BCCIP: variants seen among roughly 807,000 people sequenced by gnomAD.
BCCIP encodes BRCA2 and CDKN1A interacting protein, also known as BRCA2 and CDKN1A-interacting protein.
Under a neutral mutation model 32.8 loss-of-function variants are expected in BCCIP, and 23 were observed. That is an observed-to-expected ratio of 0.70 (90% CI 0.51 to 0.99). BCCIP has a LOEUF of 0.99. Among genes scored for constraint, BCCIP ranks in the 50% least tolerant of loss-of-function variants. BCCIP has a pLI of 0.00. For missense variants in BCCIP, 378 were observed against 379.8 expected, an observed-to-expected ratio of 1.00 and a Z score of 0.04; for synonymous variants, 144 against 137.6, an observed-to-expected ratio of 1.05 and a Z score of -0.33.
At chr10:125,825,698 G>A (rs1221488836) in intron 1 of BCCIP, 3 of 152,186 alleles carry the variant, frequency 2.0e-5, no homozygotes, top group Non-Finnish European at 1.5e-5. Flanking sequence ...TTCTGAAACC[G>A]TTAAAACCTG....
chr10:125,837,178 TA>T (rs1309370698), downstream of BCCIP, among the ~76,000 whole-genome samples: 1 of 152,224 alleles, frequency 6.6e-6, no homozygotes, highest in Non-Finnish European at 1.5e-5. Context: ...ATCGTATGCT[TA>T]AGAGAGCTTT....
intron 6 of BCCIP, 137 bp downstream of exon 6, chr10:125,834,083 C>T: frequency 1.1e-6 from 1 of 932,816 alleles, no homozygotes; most frequent in South Asian, 1.6e-5. Flanking sequence ...CCCCACAGGA[C>T]CTAGCAGCTA....
intron 7 of BCCIP, among the ~76,000 whole-genome samples, chr10:125,852,012 C>G (rs1033344990): frequency 6.6e-6 from 1 of 151,862 alleles, no homozygotes; most frequent in African/African-American, 2.4e-5. Context: ...CGCTTCCATA[C>G]TCCACATTAC....
exon 7 of BCCIP, chr10:125,841,686 A>G: frequency 1.3e-6 from 2 of 1,577,028 alleles, no homozygotes; most frequent in Non-Finnish European, 1.7e-6. Flanking sequence ...GATCCGATCT[A>G]AATCTATACC....
At chr10:125,841,806 T>C (rs773275564) in exon 7 of BCCIP, 3 of 1,613,496 alleles carry the variant, frequency 1.9e-6, no homozygotes, top group Non-Finnish European at 2.5e-6. Context: ...GACGCTAAGA[T>C]AGACTTCGAG....
chr10:125,833,561 TATATC>T lies in BCCIP; in HGVS notation c.600-207_600-203del, dbSNP rs200015325. ...CCACAAATCAGCATAATCTGAGAGA[TATATC>T]ATAGTATTATAAAAAGTAATACATA... On this transcript the variant is annotated intron_variant, in intron 5 of 6. Transcript: ENST00000278100. 8.3e-4 allele frequency among the ~76,000 whole-genome samples: 126 copies of T among 152,340 alleles called. No homozygotes were observed. The South Asian group carries it at 9.9e-3, about 12-fold the overall frequency.
intron 7 of BCCIP, among the ~76,000 whole-genome samples, chr10:125,851,920 CAAAAAAAAAAAAA>C (rs56380138): frequency 1.2e-5 from 1 of 86,788 alleles, no homozygotes. Context: ...GACCCTGTCT[CAAAAAAAAAAAAA>C]AAAAAAAAGA....
intron 2 of BCCIP, 91 bp from the exon 3 acceptor site, chr10:125,827,467 A>G: frequency 1.1e-6 from 1 of 887,760 alleles, no homozygotes; most frequent in East Asian, 2.7e-5. Context: ...TAAGTCACAG[A>G]AATTTCATTG....
chr10:125,841,815 A>T (rs1401634850), exon 7 of BCCIP: 14 of 1,613,674 alleles, frequency 8.7e-6, no homozygotes, highest in Non-Finnish European at 1.2e-5. Flanking sequence ...ATAGACTTCG[A>T]GAGTTGTGGA....
At chr10:125,843,919 C>T (rs531695242), downstream of BCCIP, among the ~76,000 whole-genome samples, 1 of 152,314 alleles carries the variant, frequency 6.6e-6, no homozygotes, top group South Asian at 2.1e-4. Context: ...AGGCTTTCAT[C>T]CTTACCTTGG....
chr10:125,848,759 A>T (rs944572758), intron 7 of BCCIP, among the ~76,000 whole-genome samples: 2 of 152,184 alleles, frequency 1.3e-5, no homozygotes, highest in African/African-American at 4.8e-5. Flanking sequence ...GAGCTCAGGT[A>T]GGAGTCACTC....
At chr10:125,847,928 G>C (rs922531870) in intron 7 of BCCIP, among the ~76,000 whole-genome samples, 1 of 152,272 alleles carries the variant, frequency 6.6e-6, no homozygotes, top group South Asian at 2.1e-4. Context: ...AGTAATGCTC[G>C]CTTGCCCCCC....
chr10:125,847,463 C>T (rs1012834260), downstream of BCCIP, among the ~76,000 whole-genome samples: 2 of 152,088 alleles, frequency 1.3e-5, no homozygotes, highest in African/African-American at 4.8e-5. Flanking sequence ...ATGGTAGGGA[C>T]GTAGCATAGG....
At chr10:125,850,276 C>G (rs1944073303) in intron 7 of BCCIP, among the ~76,000 whole-genome samples, 1 of 151,088 alleles carries the variant, frequency 6.6e-6, no homozygotes, top group Non-Finnish European at 1.5e-5. Flanking sequence ...CCATGCCCAG[C>G]CCTGCAGAAT....
chr10:125,848,340 C>T (rs187341752), intron 7 of BCCIP, among the ~76,000 whole-genome samples: 3 of 152,312 alleles, frequency 2.0e-5, no homozygotes, highest in Admixed American at 1.3e-4. Flanking sequence ...TACTCCTTTA[C>T]ACTGTACATG....
chr10:125,823,548 G>A lies in BCCIP; in HGVS notation c.-10G>A, dbSNP rs200616773. ...AGGGGAAGCTGCGCAGGCGCAGTGT[G>A]AGCGGCAACATGGCGTCCAGGTCTA... On this transcript the variant is annotated 5_prime_UTR_variant, in exon 1 of 7. Transcript: ENST00000278100. 27 of 1,613,016 alleles carry A rather than the reference G, an allele frequency of 1.7e-5. No individual in the cohort carries two copies. In the South Asian group the frequency reaches 2.6e-4, roughly 16 times the overall value.
rs564392510 is a variant in BCCIP, at chr10:125,824,648, C to T, written c.165+926C>T. The stretch of plus-strand genomic sequence containing the variant: ...TAGTCCACACCTCTATCATCTCTTG[C>T]CTGGACTACTATTTAATGTAACAGC... On this transcript the variant is annotated intron_variant, in intron 1 of 6. Coordinates refer to ENST00000278100, the MANE Select transcript of BCCIP (RefSeq NM_078468.3). Among the ~76,000 whole-genome samples, 20 of 152,122 alleles carry T rather than the reference C, an allele frequency of 1.3e-4. No individual in the cohort carries two copies. In the South Asian group the frequency reaches 4.1e-3, roughly 32 times the overall value.
At position 125,833,759 on chromosome 10, in the gene BCCIP, G is replaced by T; in HGVS notation, c.600-13G>T. On this transcript the variant is annotated splice_polypyrimidine_tract_variant and intron_variant, in intron 5 of 6. Transcript: ENST00000278100. ...CCCAGCAGGTAAACAAATGTTGTGT[G>T]TGTGCCTTGCAGGAAAGAACTGGCG... 6.2e-7 allele frequency: 1 copy of T among 1,613,272 alleles called. No homozygotes were observed. The highest frequency in any genetic ancestry group is 8.5e-7 in the Non-Finnish European group (1 of 1,179,736).
downstream of BCCIP, chr10:125,838,115 T>C: frequency 1.6e-6 from 2 of 1,262,216 alleles, no homozygotes; most frequent in Non-Finnish European, 1.1e-6. Flanking sequence ...GTATAAACTT[T>C]AGAACTAAGA....
Sources: gnomAD v4.1 joint callset for allele counts (sites outside exome capture counted in the v4.1 genomes callset) on GRCh38, gnomAD v4.1.1 for gene constraint, MANE v1.5 for transcripts, NCBI Gene and HGNC (gene_info 2026-07-23, HGNC 2026-07-21) for gene names.